Variants in PTGES2 observed in about 807,000 individuals in gnomAD.
The protein encoded by PTGES2 is prostaglandin E synthase 2.
A neutral mutation model predicts 44.5 loss-of-function variants in PTGES2; 35 were observed. The observed-to-expected ratio is 0.79, with a 90% confidence interval of 0.60 to 1.04. The LOEUF is 1.04. Ranked by LOEUF, PTGES2 falls within the 50% of genes least tolerant of loss-of-function variation. PTGES2 has a pLI of 0.00. For missense variants in PTGES2, 517 were observed against 521.4 expected (o/e 0.99, Z 0.08); for synonymous variants, 221 against 227.5 (o/e 0.97, Z 0.26).
At position 128,122,970 on chromosome 9, in the gene PTGES2, G is replaced by A. The variant is rs772428016; in HGVS notation, c.851C>T (p.Ala284Val). ...EGAVAKYMGAAAMYLISKRLK... is the reference protein window; with the variant it reads ...EGAVAKYMGAVAMYLISKRLK... ...TCGCTTGCTGATGAGGTACATGGCC[G>A]CTGCACCCATGTACTTGGCCACGGC... Residue 284 changes from alanine to valine, a missense_variant, in exon 5 of 7, where the codon GCG (alanine) becomes GTG (valine). Ala to Val is a moderately conservative substitution (Grantham distance 64). Transcript: ENST00000338961. 7 of 1,613,888 alleles carry A rather than the reference G, an allele frequency of 4.3e-6. No individual in the cohort carries two copies. Among genetic ancestry groups the A allele is most frequent in the Middle Eastern group, 1.6e-4 (1 of 6,082 alleles).
At position 128,127,513 on chromosome 9, in the gene PTGES2, C is replaced by T. The variant is rs1259213292; in HGVS notation, c.205G>A (p.Ala69Thr). ...CGCGCCGTGTGGTACAGCCCCAGGG[C>T]TCCCCCCAGGGCCAGCGCCGCAGCT... ...LGAAALALGG[A>T]LGLYHTARWH... Residue 69 changes from alanine to threonine, a missense_variant, in exon 1 of 7, where the codon GCC (alanine) becomes ACC (threonine). Transcript: ENST00000338961. The T allele has an allele frequency of 1.6e-5, 21 of 1,340,650 alleles. No homozygotes were observed. The highest frequency in any genetic ancestry group is 2.0e-5 in the South Asian group (1 of 50,268). The allele number at this position is 1,340,650 out of a possible 1,614,324, so 83.0% of individuals were successfully genotyped here. A position where few individuals can be genotyped will look rare whatever the true frequency, so the allele number is the denominator to read the frequency against.
rs1227879224 is a variant in PTGES2, at chr9:128,122,403, G to C, written c.964C>G (p.Arg322Gly). The C allele has an allele frequency of 6.2e-7, 1 of 1,614,184 alleles. No individual in the cohort carries two copies. The change falls in exon 6 of 7, where the codon CGG becomes GGG. Residue 322 changes from arginine (R) to glycine (G), a missense_variant. By Grantham distance (125) the Arg-to-Gly change is moderately radical. Coordinates refer to ENST00000338961, the MANE Select transcript of PTGES2 (RefSeq NM_025072.7). ...GGCTTCTGGCCCCCCATGAAGGGCC[G>C]GTCCTTGCCCACAGCAGCCACCCAC... ...DKWVAAVGKD[R>G]PFMGGQKPNL...
Position 128,121,148 on chromosome 9 carries a change from G to C in PTGES2, c.1131C>G (p.His377Gln), listed in dbSNP as rs1373161967. The C allele has an allele frequency of 5.0e-6, 8 of 1,584,452 alleles. No homozygotes were observed. The highest frequency in any genetic ancestry group is 1.8e-5 in the Admixed American group (1 of 55,502). ...ERAITEASPA[H>Q] is the part of the protein sequence containing the mutation. ...CCTCTGCTCTGCGCGGGGACATTCA[G>C]TGCGCTGGGGAGGCCTCGGTGATGG... The change falls in exon 7 of 7, where the codon CAC (histidine) becomes CAG (glutamine). Residue 377 changes from histidine (H) to glutamine (Q), a missense_variant. Transcript: ENST00000338961.
chr9:128,124,029 G>C (rs909389753), intron 3 of PTGES2, among the ~76,000 whole-genome samples, 178 bp from the exon 4 acceptor site: 2 of 152,184 alleles, frequency 1.3e-5, no homozygotes, highest in African/African-American at 4.8e-5. Context: ...GGGAGGTGTG[G>C]GGAGGACAAA....
chr9:128,128,130 C>G (rs533489018), upstream of PTGES2: 14 of 363,010 alleles, frequency 3.9e-5, 1 homozygote, highest in South Asian at 2.1e-4. Context: ...GCCGCGACTT[C>G]CGGCCACTGA....
intron 1 of PTGES2, among the ~76,000 whole-genome samples, chr9:128,127,050 G>T (rs965494869): frequency 2.0e-5 from 3 of 151,308 alleles, no homozygotes; most frequent in African/African-American, 7.3e-5. Context: ...GCAGTGGGGT[G>T]AGCCTATAGT....
chr9:128,126,368 G>A (rs1834616906), intron 1 of PTGES2, among the ~76,000 whole-genome samples: 1 of 152,158 alleles, frequency 6.6e-6, no homozygotes, highest in Non-Finnish European at 1.5e-5. Context: ...ACCACTTGGG[G>A]GGGGCACCTT....
chr9:128,123,055 C>T lies in PTGES2; in HGVS notation c.766G>A (p.Glu256Lys), dbSNP rs761496773. Residue 256 changes from glutamate to lysine, a missense_variant, in exon 5 of 7, where the codon GAG (glutamate) becomes AAG (lysine). Physicochemically the swap from Glu to Lys is moderately conservative, Grantham distance 56. Transcript: ENST00000338961. The surrounding 1 kb of genome is among the most constrained non-coding windows in gnomAD (Gnocchi z 4.4). Reference sequence around the variant, plus strand: ...ATGTAGTCAAAGGACGCCAGAGCCTCGGTGGGCGTGCGGTACACATTGGGG... The same window carrying T: ...ATGTAGTCAAAGGACGCCAGAGCCTTGGTGGGCGTGCGGTACACATTGGGG... ...ISPNVYRTPT[E>K]ALASFDYIVR... 5.0e-6 allele frequency: 8 copies of T among 1,613,324 alleles called. No individual in the cohort carries two copies. The highest frequency in any genetic ancestry group is 1.1e-5 in the South Asian group (1 of 91,086).
rs1414620372 is a variant in PTGES2 at position 128,127,489 on chromosome 9, G to A, written c.229C>T (p.Arg77Trp). The A allele has an allele frequency of 1.4e-6, 2 of 1,400,472 alleles. No homozygotes were observed. The highest frequency in any genetic ancestry group is 3.2e-5 in the South Asian group (2 of 62,292). The allele number at this position is 1,400,472 out of a possible 1,614,324, so 86.8% of individuals were successfully genotyped here. Reference sequence around the variant, plus strand: ...AGGTCCTGGGCGCGCAGGTGCCACCGCGCCGTGTGGTACAGCCCCAGGGCT... The same window carrying A: ...AGGTCCTGGGCGCGCAGGTGCCACCACGCCGTGTGGTACAGCCCCAGGGCT... ...GGALGLYHTA[R>W]WHLRAQDLHA... The change falls in exon 1 of 7, where the codon CGG (arginine) becomes TGG (tryptophan). Residue 77 changes from arginine to tryptophan, a missense_variant. Arg to Trp is a moderately radical substitution (Grantham distance 101, BLOSUM62 -3). Transcript: ENST00000338961.
At position 128,123,042 on chromosome 9, in the gene PTGES2, G is replaced by A. The variant is rs1302086301; in HGVS notation, c.779C>T (p.Ser260Phe). The change falls in exon 5 of 7, where the codon TCC (serine) becomes TTC (phenylalanine). Residue 260 changes from serine to phenylalanine, a missense_variant. Physicochemically the swap from Ser to Phe is radical, Grantham distance 155. Transcript: ENST00000338961. The surrounding 1 kb of genome is among the most constrained non-coding windows in gnomAD (Gnocchi z 4.4). ...VYRTPTEALA[S>F]FDYIVREGKF... Reference sequence around the variant, plus strand: ...GCCCTCGCGGACAATGTAGTCAAAGGACGCCAGAGCCTCGGTGGGCGTGCG... The same window carrying A: ...GCCCTCGCGGACAATGTAGTCAAAGAACGCCAGAGCCTCGGTGGGCGTGCG... 1 of 1,613,640 alleles carries A rather than the reference G, an allele frequency of 6.2e-7. No individual in the cohort carries two copies. Among genetic ancestry groups the A allele is most frequent in the Middle Eastern group, 1.6e-4 (1 of 6,084 alleles).
chr9:128,126,050 G>A (rs1391041596), intron 1 of PTGES2, among the ~76,000 whole-genome samples: 4 of 152,242 alleles, frequency 2.6e-5, no homozygotes, highest in Non-Finnish European at 5.9e-5. Context: ...CCGAGGGGGA[G>A]GGTGGTATCT....
chr9:128,123,415 T>A lies in PTGES2; in HGVS notation c.687-281A>T, dbSNP rs1834500189. 6.6e-6 allele frequency among the ~76,000 whole-genome samples: 1 copy of A among 151,972 alleles called. No individual in the cohort carries two copies. Among genetic ancestry groups the A allele is most frequent in the African/African-American group, 2.4e-5 (1 of 41,352 alleles). On this transcript the variant is annotated intron_variant, in intron 4 of 6. Coordinates refer to ENST00000338961, the MANE Select transcript of PTGES2 (RefSeq NM_025072.7). The surrounding 1 kb of genome is among the most constrained non-coding windows in gnomAD (Gnocchi z 4.4). ...GTGTGTGCCTCCACACCTAGCTAATTTTTGCATTTTTATAGAGATGGGGTT... is the reference window on the plus strand; with the variant it reads ...GTGTGTGCCTCCACACCTAGCTAATATTTGCATTTTTATAGAGATGGGGTT...
chr9:128,122,417 G>A lies in PTGES2; in HGVS notation c.950C>T (p.Ala317Val), dbSNP rs1308995972. Residue 317 changes from alanine (A) to valine (V), a missense_variant, in exon 6 of 7, where the codon GCT (alanine) becomes GTT (valine). Ala to Val is a moderately conservative substitution (Grantham distance 64, BLOSUM62 0). Transcript: ENST00000338961. The part of the protein sequence containing the change: ...LYEAADKWVA[A>V]VGKDRPFMGG... ...CATGAAGGGCCGGTCCTTGCCCACA[G>A]CAGCCACCCACTTGTCAGCAGCCTC... The A allele has an allele frequency of 1.2e-6, 2 of 1,614,190 alleles. No individual in the cohort carries two copies.
intron 2 of PTGES2, chr9:128,124,867 C>A: frequency 6.4e-6 from 8 of 1,243,448 alleles, no homozygotes; most frequent in Non-Finnish European, 8.1e-6. Flanking sequence ...TCATATCTGC[C>A]GTCCCTGCAA....
In PTGES2 at chr9:128,122,422, C is replaced by T. The variant is rs546472002; in HGVS notation, c.945G>A (p.Val315=). The T allele has an allele frequency of 5.0e-6, 8 of 1,614,228 alleles. No individual in the cohort carries two copies. The South Asian group carries it at 6.6e-5, about 13-fold the overall frequency. The part of the protein sequence containing the change: ...EDLYEAADKW[V]AAVGKDRPFM... ...AGGGCCGGTCCTTGCCCACAGCAGC[C>T]ACCCACTTGTCAGCAGCCTCATAGA... The change falls in exon 6 of 7, where the codon GTG becomes GTA. Residue 315 remains valine (V), a synonymous_variant. Coordinates refer to ENST00000338961, the MANE Select transcript of PTGES2 (RefSeq NM_025072.7).
At position 128,123,103 on chromosome 9, in the gene PTGES2, C is replaced by T. The variant is rs370390041; in HGVS notation, c.718G>A (p.Asp240Asn). 28 of 1,610,968 alleles carry T rather than the reference C, an allele frequency of 1.7e-5. No individual in the cohort carries two copies. The highest frequency in any genetic ancestry group is 2.3e-5 in the Non-Finnish European group (27 of 1,179,978). Reference protein sequence around the residue: ...EEMKWRQWADDWLVHLISPNV... With the variant: ...EEMKWRQWADNWLVHLISPNV... ...GGGGAGATCAGGTGCACCAGCCAGT[C>T]GTCCGCCCACTGCCGCCACTTCATC... Residue 240 changes from aspartate to asparagine, a missense_variant, in exon 5 of 7, where the codon GAC becomes AAC. Coordinates refer to ENST00000338961, the MANE Select transcript of PTGES2 (RefSeq NM_025072.7). The surrounding 1 kb of genome is among the most constrained non-coding windows in gnomAD (Gnocchi z 4.4).
chr9:128,124,777 A>C, intron 2 of PTGES2: 1 of 1,321,724 alleles, frequency 7.6e-7, no homozygotes, highest in Non-Finnish European at 9.7e-7. Flanking sequence ...CAGCCCACTC[A>C]CCCATTTGGC....
chr9:128,127,735 C>G, upstream of PTGES2: 1 of 1,252,288 alleles, frequency 8.0e-7, no homozygotes, highest in Non-Finnish European at 1.0e-6. Flanking sequence ...CCGCCGGCGC[C>G]GCGGGCGGGC....
intron 1 of PTGES2, among the ~76,000 whole-genome samples, chr9:128,126,560 T>A (rs1210882173): frequency 6.6e-6 from 1 of 152,068 alleles, no homozygotes; most frequent in African/African-American, 2.4e-5. Flanking sequence ...ATCAAAAAAG[T>A]CTTAAAACAC....
Sources: gnomAD v4.1 joint callset for allele counts (sites outside exome capture counted in the v4.1 genomes callset) on GRCh38, gnomAD v4.1.1 for gene constraint, Gnocchi (gnomAD v3.1) non-coding constraint, MANE v1.5 for transcripts, NCBI Gene and HGNC (gene_info 2026-07-23, HGNC 2026-07-21) for gene names.